The following STT3B variants were observed in gnomAD, a reference collection of about 807,000 sequenced individuals.
The protein encoded by STT3B is STT3 oligosaccharyltransferase complex catalytic subunit B.
A neutral mutation model predicts 96.8 loss-of-function variants in STT3B; 29 were observed. The observed-to-expected ratio is 0.30, with a 90% CI of 0.22 to 0.41. STT3B has a LOEUF of 0.41. Ranked by LOEUF, STT3B falls within the 10% of genes least tolerant of loss-of-function variation. The probability of loss-of-function intolerance (pLI) is 1.00; values close to 1 mark genes in which losing one functional copy is unlikely to be tolerated. For synonymous variants in STT3B, 367 were observed against 360.0 expected (o/e 1.02, Z -0.22); for missense variants, 640 against 1,022.3 (o/e 0.63, Z 5.10).
At chr3:31,541,145 A>G (rs1220301879) in intron 1 of STT3B, among the ~76,000 whole-genome samples, 1 of 152,206 alleles carries the variant, frequency 6.6e-6, no homozygotes, top group Non-Finnish European at 1.5e-5. Context: ...AAAGGATTTC[A>G]TTAGAGGAGA....
chr3:31,600,314 TA>T, intron 4 of STT3B, 45 bp from the exon 5 acceptor site: 1 of 873,510 alleles, frequency 1.1e-6, no homozygotes, highest in South Asian at 1.9e-5. Flanking sequence ...ATACTTATTT[TA>T]AAAAGTAAAA....
chr3:31,576,682 A>G lies in STT3B; in HGVS notation c.423+178A>G, dbSNP rs530794390. Among the ~76,000 whole-genome samples, 16 of 152,184 alleles carry G rather than the reference A, an allele frequency of 1.1e-4. No individual in the cohort carries two copies. In the East Asian group the frequency reaches 3.1e-3, roughly 29 times the overall value. On this transcript the variant is annotated intron_variant, in intron 2 of 15. Transcript: ENST00000295770. ...CTTTTCTTGATACCTCCTCCCCTTA[A>G]TCCCCAACCTGTTTTTGGGTTGTCT...
intron 14 of STT3B, among the ~76,000 whole-genome samples, chr3:31,632,156 G>C (rs961697186): frequency 6.6e-6 from 1 of 152,178 alleles, no homozygotes; most frequent in African/African-American, 2.4e-5. Flanking sequence ...ACATCAGGAC[G>C]GTCTGAGAAT....
Position 31,617,004 on chromosome 3 carries a change from C to A in STT3B, c.1052C>A (p.Thr351Asn). 1.2e-6 allele frequency: 2 copies of A among 1,611,780 alleles called. No homozygotes were observed. The highest frequency in any genetic ancestry group is 1.7e-6 in the Non-Finnish European group (2 of 1,178,256). ...CGATTAACAAAACAAGAGTTCCAGA[C>A]CCTTTTCTTTTTGGGTGTATCACTA... ...RDRLTKQEFQ[T>N]LFFLGVSLAA... Residue 351 changes from threonine (T) to asparagine (N), a missense_variant, in exon 7 of 16, where the codon ACC becomes AAC. Transcript: ENST00000295770.
At chr3:31,580,939 G>GAA (rs200979073) in intron 3 of STT3B, among the ~76,000 whole-genome samples, 1 of 131,296 alleles carries the variant, frequency 7.6e-6, no homozygotes, top group Non-Finnish European at 1.7e-5. Flanking sequence ...CAGCTGAGGA[G>GAA]AAAAAAAAAA....
At chr3:31,611,072 G>T (rs967310273) in intron 5 of STT3B, among the ~76,000 whole-genome samples, 2 of 152,182 alleles carry the variant, frequency 1.3e-5, no homozygotes, top group African/African-American at 4.8e-5. Context: ...GGGTATAGTA[G>T]TTTAGTTAGG....
intron 3 of STT3B, among the ~76,000 whole-genome samples, chr3:31,582,256 T>C (rs1410362860): frequency 6.6e-6 from 1 of 151,738 alleles, no homozygotes; most frequent in Non-Finnish European, 1.5e-5. Context: ...TTCAATTTTG[T>C]CTTTCTGGAA....
chr3:31,592,111 T>C (rs1445692091), intron 3 of STT3B, among the ~76,000 whole-genome samples: 1 of 152,154 alleles, frequency 6.6e-6, no homozygotes, highest in Non-Finnish European at 1.5e-5. Flanking sequence ...CATTAAACAA[T>C]ATCTCTCCTT....
intron 14 of STT3B, among the ~76,000 whole-genome samples, chr3:31,631,039 T>C (rs533280210): frequency 2.1e-4 from 32 of 152,314 alleles, no homozygotes; most frequent in African/African-American, 7.5e-4. Context: ...GTGATCCCCC[T>C]GCCTTGGCCT....
intron 1 of STT3B, among the ~76,000 whole-genome samples, chr3:31,570,305 A>G (rs1559369535): frequency 6.6e-6 from 1 of 152,222 alleles, no homozygotes; most frequent in Non-Finnish European, 1.5e-5. Flanking sequence ...GATAACTCCA[A>G]GATACAAAAA....
At chr3:31,562,198 G>T (rs973184916) in intron 1 of STT3B, among the ~76,000 whole-genome samples, 1 of 152,182 alleles carries the variant, frequency 6.6e-6, no homozygotes. Context: ...GGCAGCAGGT[G>T]TAGCATGGGT....
intron 4 of STT3B, 119 bp downstream of exon 4, chr3:31,596,982 C>A: frequency 1.3e-6 from 1 of 742,958 alleles, no homozygotes; most frequent in South Asian, 1.9e-5. Context: ...TCATTACTAC[C>A]ATCCTCTTTC....
intron 11 of STT3B, 33 bp from the exon 12 acceptor site, chr3:31,624,881 T>A (rs759369262): frequency 1.9e-6 from 3 of 1,547,188 alleles, no homozygotes; most frequent in Non-Finnish European, 2.7e-6. Context: ...ATTTGTGACA[T>A]CTCATTTAAA....
chr3:31,631,177 A>G (rs1441383489), intron 14 of STT3B, among the ~76,000 whole-genome samples: 1 of 152,180 alleles, frequency 6.6e-6, no homozygotes, highest in Non-Finnish European at 1.5e-5. Context: ...GTTAGCATAT[A>G]CTGTGTTCCT....
At position 31,579,880 on chromosome 3, in the gene STT3B, C is replaced by T. The variant is rs1209755801; in HGVS notation, c.495C>T (p.His165=). The part of the protein sequence containing the change: ...WILNTLNITV[H]IRDVCVFLAP... ...TAAATACATTGAACATAACTGTTCACATAAGAGACGTATGTGTGTTCCTTG... is the reference window on the plus strand; with the variant it reads ...TAAATACATTGAACATAACTGTTCATATAAGAGACGTATGTGTGTTCCTTG... The change falls in exon 3 of 16, where the codon CAC becomes CAT. Residue 165 remains histidine, a synonymous_variant. Transcript: ENST00000295770. 6.2e-7 allele frequency: 1 copy of T among 1,613,534 alleles called. No homozygotes were observed. Among genetic ancestry groups the T allele is most frequent in the Non-Finnish European group, 8.5e-7 (1 of 1,179,620 alleles).
intron 1 of STT3B, among the ~76,000 whole-genome samples, chr3:31,561,348 G>A (rs1251523712): frequency 6.6e-6 from 1 of 151,756 alleles, no homozygotes; most frequent in Non-Finnish European, 1.5e-5. Flanking sequence ...TTTTGATATA[G>A]ACTTACAATG....
chr3:31,533,041 C>T lies in STT3B; in HGVS notation c.43C>T (p.Leu15Phe), dbSNP rs1696976569. 2 of 1,587,214 alleles carry T rather than the reference C, an allele frequency of 1.3e-6. No individual in the cohort carries two copies. Among genetic ancestry groups the T allele is most frequent in the Non-Finnish European group, 1.7e-6 (2 of 1,168,320 alleles). The change falls in exon 1 of 16, where the codon CTC (leucine) becomes TTC (phenylalanine). Residue 15 changes from leucine to phenylalanine, a missense_variant. By Grantham distance (22) the Leu-to-Phe change is conservative (BLOSUM62 0). Coordinates refer to ENST00000295770, the MANE Select transcript of STT3B (RefSeq NM_178862.3). ...SAPESKHKSS[L>F]NSSPWSGLMA... is the part of the protein sequence containing the mutation. ...CCCGGAGAGCAAGCACAAGTCGTCC[C>T]TCAACTCGTCCCCGTGGAGTGGCCT...
At chr3:31,578,823 GTAAA>G (rs1698314985) in intron 2 of STT3B, among the ~76,000 whole-genome samples, 1 of 149,774 alleles carries the variant, frequency 6.7e-6, no homozygotes, top group Non-Finnish European at 1.5e-5. Context: ...TAAATAGAAA[GTAAA>G]TAAATAAAAT....
intron 13 of STT3B, among the ~76,000 whole-genome samples, chr3:31,627,666 G>A (rs1457476504): frequency 2.0e-5 from 3 of 152,196 alleles, no homozygotes; most frequent in African/African-American, 7.2e-5. Context: ...AAATGTCAAT[G>A]CTGTAATGTT....
Sources: allele counts gnomAD v4.1 joint callset (sites outside exome capture counted in the v4.1 genomes callset), GRCh38; gene constraint gnomAD v4.1.1; transcripts MANE v1.5; gene names NCBI Gene and HGNC (gene_info 2026-07-23, HGNC 2026-07-21).